Variants in RIMS2 observed in about 807,000 individuals in gnomAD.
RIMS2 encodes regulating synaptic membrane exocytosis 2, also known as regulating synaptic membrane exocytosis protein 2.
A neutral mutation model predicts 174.4 loss-of-function variants in RIMS2; 59 were observed. That is an observed-to-expected ratio of 0.34 (90% CI 0.27 to 0.42). The LOEUF is 0.42. RIMS2 is among the 10% of genes least tolerant of loss of function. The pLI is 1.00. For synonymous variants in RIMS2, 606 were observed against 572.5 expected, an observed-to-expected ratio of 1.06 and a Z score of -0.84; for missense variants, 1,620 against 1,666.3, an observed-to-expected ratio of 0.97 and a Z score of 0.48.
downstream of RIMS2, chr8:104,252,526 G>GC (rs1554675734): frequency 9.8e-6 from 1 of 102,064 alleles, no homozygotes; most frequent in African/African-American, 3.9e-5. Context: ...GCTGCAACTT[G>GC]CAAAAAAAAA....
rs539018642 is a variant in RIMS2, at chr8:103,657,542, A to T, written c.177-39544A>T. Among the ~76,000 whole-genome samples the T allele has an allele frequency of 3.9e-5, 6 of 152,360 alleles. No homozygotes were observed. In the South Asian group the frequency reaches 1.0e-3, roughly 26 times the overall value. On this transcript the variant is annotated intron_variant, in intron 1 of 23. Transcript: ENST00000504942. ...AAAGATAAAGATTTCCCAAAAGAAT[A>T]GTTACTGTAGCAAGGATTGCCCTGT...
Position 103,697,167 on chromosome 8 carries a change from G to T in RIMS2, c.258G>T (p.Lys86Asn), listed in dbSNP as rs1262007187. 4 of 1,613,644 alleles carry T rather than the reference G, an allele frequency of 2.5e-6. No individual in the cohort carries two copies. In the Admixed American group the frequency reaches 6.7e-5, roughly 27 times the overall value. ...AATCACAGCAACAGCAAGAACAGAAGGGTGATGCGCCAACCTGTGGTATCT... is the reference window on the plus strand; with the variant it reads ...AATCACAGCAACAGCAAGAACAGAATGGTGATGCGCCAACCTGTGGTATCT... Residue 86 changes from lysine (K) to asparagine (N), a missense_variant, in exon 2 of 24, where the codon AAG becomes AAT. Around this residue, in one of 2 missense-constraint regions of RIMS2, gnomAD observed 1,395 missense variants for 1,360.1 expected, o/e 1.03. Transcript: ENST00000504942.
At chr8:104,018,183 C>A (rs558630023) in intron 19 of RIMS2, among the ~76,000 whole-genome samples, 8 of 152,024 alleles carry the variant, frequency 5.3e-5, no homozygotes, top group Non-Finnish European at 1.2e-4. Context: ...TTATATTTTT[C>A]TTTACTTTTG....
At chr8:103,913,778 C>A (rs145796420) in intron 6 of RIMS2, among the ~76,000 whole-genome samples, 1 of 152,132 alleles carries the variant, frequency 6.6e-6, no homozygotes. Context: ...CAAGGTGCCA[C>A]ATAGGTTTAA....
At chr8:103,667,949 C>G (rs1487532879) in intron 1 of RIMS2, among the ~76,000 whole-genome samples, 1 of 152,138 alleles carries the variant, frequency 6.6e-6, no homozygotes, top group Non-Finnish European at 1.5e-5. Flanking sequence ...CTTGATGTTT[C>G]CAGAAGACCA....
intron 3 of RIMS2, among the ~76,000 whole-genome samples, chr8:103,786,668 G>T (rs1005316613): frequency 1.5e-4 from 23 of 152,302 alleles, no homozygotes; most frequent in African/African-American, 5.5e-4. Flanking sequence ...TTTTACATTT[G>T]CTGAGGAGAG....
At chr8:104,057,788 A>C (rs2096899449) in intron 19 of RIMS2, among the ~76,000 whole-genome samples, 1 of 132,962 alleles carries the variant, frequency 7.5e-6, no homozygotes, top group Admixed American at 9.1e-5. Context: ...CTCATTGTTC[A>C]ATTCCCACCT....
At chr8:104,060,532 A>T (rs1227648270) in intron 19 of RIMS2, among the ~76,000 whole-genome samples, 1 of 151,604 alleles carries the variant, frequency 6.6e-6, no homozygotes, top group South Asian at 2.1e-4. Flanking sequence ...TCCTGGATTC[A>T]TTAATTTTTT....
rs149506914 is a variant in RIMS2 at position 103,816,850 on chromosome 8, C to T, written c.698+50313C>T. Among the ~76,000 whole-genome samples, 35 of 152,182 alleles carry T rather than the reference C, an allele frequency of 2.3e-4. No individual in the cohort carries two copies. The East Asian group carries it at 5.6e-3, about 24-fold the overall frequency. ...AGTGTTTCCATTACTTAGACCACTT[C>T]GATGCTTTTTCTATGACTTAGTCTT... On this transcript the variant is annotated intron_variant, in intron 3 of 23. Transcript: ENST00000504942.
At chr8:103,904,037 TGAA>T (rs2073831397) in intron 4 of RIMS2, among the ~76,000 whole-genome samples, 2 of 152,124 alleles carry the variant, frequency 1.3e-5, no homozygotes, top group South Asian at 2.1e-4. Flanking sequence ...TCTATAAAGA[TGAA>T]GAACTACTAT....
chr8:104,035,028 T>C (rs1342372752), intron 19 of RIMS2, among the ~76,000 whole-genome samples: 1 of 152,164 alleles, frequency 6.6e-6, no homozygotes, highest in African/African-American at 2.4e-5. Flanking sequence ...GAGTTACAAT[T>C]TTGCCTATTC....
intron 3 of RIMS2, among the ~76,000 whole-genome samples, chr8:103,834,158 C>A (rs1328287534): frequency 6.6e-6 from 1 of 151,922 alleles, no homozygotes; most frequent in Non-Finnish European, 1.5e-5. Context: ...TACAGGCATG[C>A]ATCATTTTTT....
intron 1 of RIMS2, among the ~76,000 whole-genome samples, chr8:103,579,870 G>C (rs950931069): frequency 6.6e-6 from 1 of 152,136 alleles, no homozygotes; most frequent in African/African-American, 2.4e-5. Context: ...ATGGCAAAGG[G>C]GAAGCAAGTA....
intron 3 of RIMS2, among the ~76,000 whole-genome samples, chr8:103,823,466 G>A (rs559511450): frequency 1.3e-5 from 2 of 151,516 alleles, no homozygotes; most frequent in African/African-American, 2.4e-5. Flanking sequence ...TAAATTACAG[G>A]GCTACTCTAA....
intron 1 of RIMS2, among the ~76,000 whole-genome samples, chr8:103,647,388 G>A (rs891247738): frequency 1.3e-5 from 2 of 150,736 alleles, no homozygotes; most frequent in African/African-American, 5.0e-5. Context: ...GAGGTTTTTT[G>A]TGTTGTTGTA....
intron 3 of RIMS2, among the ~76,000 whole-genome samples, chr8:103,850,564 A>G (rs1272319192): frequency 6.6e-6 from 1 of 151,930 alleles, no homozygotes; most frequent in East Asian, 1.9e-4. Flanking sequence ...CCAAAGATCA[A>G]ATGCTGTGGT....
intron 1 of RIMS2, among the ~76,000 whole-genome samples, chr8:103,582,573 T>A (rs2093679003): frequency 6.6e-6 from 1 of 152,118 alleles, no homozygotes; most frequent in East Asian, 1.9e-4. Context: ...GAAGGGTGAG[T>A]CCCAGGCCAG....
intron 14 of RIMS2, among the ~76,000 whole-genome samples, chr8:103,946,185 A>G (rs1003788709): frequency 2.0e-5 from 3 of 152,212 alleles, no homozygotes; most frequent in Non-Finnish European, 4.4e-5. Flanking sequence ...TAACATTTTA[A>G]TACTGAAATT....
intron 4 of RIMS2, among the ~76,000 whole-genome samples, chr8:103,902,636 T>C (rs2073410851): frequency 6.6e-6 from 1 of 152,168 alleles, no homozygotes; most frequent in African/African-American, 2.4e-5. Flanking sequence ...TTAAGACTTA[T>C]TATCAGTTTT....
Sources: gnomAD v4.1 joint callset for allele counts (sites outside exome capture counted in the v4.1 genomes callset) on GRCh38, gnomAD v4.1.1 for gene constraint, gnomAD v4.1.1 regional missense constraint, MANE v1.5 for transcripts, NCBI Gene and HGNC (gene_info 2026-07-23, HGNC 2026-07-21) for gene names.